Variants in ADAMTS14 observed in about 807,000 individuals in gnomAD.
ADAMTS14 encodes ADAM metallopeptidase with thrombospondin type 1 motif 14.
Under a neutral mutation model 128.6 loss-of-function variants are expected in ADAMTS14, and 100 were observed. That is an observed-to-expected ratio of 0.78 (90% CI 0.66 to 0.92). ADAMTS14 has a LOEUF of 0.92. Among genes scored for constraint, ADAMTS14 ranks in the 40% least tolerant of loss-of-function variants. The pLI, the probability that ADAMTS14 is intolerant of heterozygous loss-of-function variation, is 0.00. For missense variants in ADAMTS14, 1,562 were observed against 1,658.6 expected (o/e 0.94, Z 1.01); for synonymous variants, 665 against 653.8 (o/e 1.02, Z -0.26).
chr10:70,688,666 G>A (rs1199523321), intron 2 of ADAMTS14, among the ~76,000 whole-genome samples: 7 of 113,844 alleles, frequency 6.1e-5, no homozygotes, highest in African/African-American at 2.2e-4. Context: ...AGGGGCTGGA[G>A]ACTGGCCCGG....
chr10:70,686,338 GA>G (rs1839951188), intron 2 of ADAMTS14, among the ~76,000 whole-genome samples: 1 of 134,162 alleles, frequency 7.5e-6, no homozygotes, highest in Non-Finnish European at 1.6e-5. Flanking sequence ...CACAGAGGGG[GA>G]TTTGGCAGGG....
At position 70,706,922 on chromosome 10, in the gene ADAMTS14, G is replaced by A. The variant is rs1483375776; in HGVS notation, c.680-1666G>A. ...GGATGCATCCATGTGCATCACCCAC[G>A]TGTGGACGGGGTCTGCACTCACTCG... On this transcript the variant is annotated intron_variant, in intron 3 of 21. Coordinates refer to ENST00000373207, the MANE Select transcript of ADAMTS14 (RefSeq NM_080722.4). Among the ~76,000 whole-genome samples, 2 of 152,228 alleles carry A rather than the reference G, an allele frequency of 1.3e-5. 1 individual carries two copies. Among genetic ancestry groups the A allele is most frequent in the African/African-American group, 4.8e-5 (2 of 41,460 alleles).
At chr10:70,701,797 C>T (rs930531976) in intron 2 of ADAMTS14, among the ~76,000 whole-genome samples, 6 of 152,220 alleles carry the variant, frequency 3.9e-5, no homozygotes, top group Non-Finnish European at 7.3e-5. Flanking sequence ...TGCACACCCA[C>T]GTGCTTTCAA....
Position 70,702,390 on chromosome 10 carries a change from G to A in ADAMTS14, c.601G>A (p.Gly201Arg), listed in dbSNP as rs1023441102. Reference protein sequence around the residue: ...ERGQQEKEASGRTHVVYRREA... With the variant: ...ERGQQEKEASRRTHVVYRREA... The stretch of plus-strand genomic sequence containing the variant: ...GGGCCAGCAGGAGAAGGAGGCCAGC[G>A]GGAGGACACATGTGGTGTACCGCCG... Residue 201 changes from glycine to arginine, a missense_variant, in exon 3 of 22, where the codon GGG becomes AGG. By Grantham distance (125) the Gly-to-Arg change is moderately radical. Coordinates refer to ENST00000373207, the MANE Select transcript of ADAMTS14 (RefSeq NM_080722.4). The A allele has an allele frequency of 5.0e-6, 8 of 1,614,146 alleles. No individual in the cohort carries two copies. Among genetic ancestry groups the A allele is most frequent in the African/African-American group, 1.3e-5 (1 of 75,034 alleles).
chr10:70,680,027 T>C (rs1194760699), intron 2 of ADAMTS14, among the ~76,000 whole-genome samples: 1 of 152,236 alleles, frequency 6.6e-6, no homozygotes, highest in Admixed American at 6.5e-5. Flanking sequence ...TGGCAGTGGT[T>C]ACACAATTCT....
chr10:70,679,595 G>T (rs1325549230), intron 2 of ADAMTS14, among the ~76,000 whole-genome samples: 6 of 152,230 alleles, frequency 3.9e-5, no homozygotes, highest in African/African-American at 9.6e-5. Flanking sequence ...CTCCTGAAGG[G>T]TTGCTTCTCC....
At position 70,729,292 on chromosome 10, in the gene ADAMTS14, A is replaced by G. The variant is rs746010286; in HGVS notation, c.871-2A>G. The G allele has an allele frequency of 1.7e-5, 28 of 1,611,712 alleles. No homozygotes were observed. Among genetic ancestry groups the G allele is most frequent in the Non-Finnish European group, 2.3e-5 (27 of 1,178,000 alleles). ...CCCTTAAACTGTATTTTCTTCTTGCAGGTAGATGAGATTTACCACGATGAG... is the reference window on the plus strand; with the variant it reads ...CCCTTAAACTGTATTTTCTTCTTGCGGGTAGATGAGATTTACCACGATGAG... On this transcript the variant is annotated splice_acceptor_variant, in intron 4 of 21. Coordinates refer to ENST00000373207, the MANE Select transcript of ADAMTS14 (RefSeq NM_080722.4). LOFTEE classifies it high-confidence loss of function.
At chr10:70,712,913 G>C (rs566025038) in intron 4 of ADAMTS14, among the ~76,000 whole-genome samples, 21 of 152,282 alleles carry the variant, frequency 1.4e-4, no homozygotes, top group African/African-American at 5.1e-4. Flanking sequence ...GATTGGACTG[G>C]GTTACAGCCC....
chr10:70,745,414 C>A, intron 15 of ADAMTS14, 108 bp downstream of exon 15: 1 of 1,157,140 alleles, frequency 8.6e-7, no homozygotes, highest in Non-Finnish European at 1.3e-6. Flanking sequence ...TGGAATTGTA[C>A]TAACTGGAGT....
intron 21 of ADAMTS14, among the ~76,000 whole-genome samples, chr10:70,760,027 G>A (rs2587470): frequency 1.5e-3 from 228 of 152,344 alleles, no homozygotes; most frequent in African/African-American, 5.2e-3. Context: ...ACAGCGCTGA[G>A]CCCCAGCCTG....
chr10:70,714,960 A>G (rs1195655240), intron 4 of ADAMTS14, among the ~76,000 whole-genome samples: 7 of 143,930 alleles, frequency 4.9e-5, no homozygotes, highest in African/African-American at 1.2e-4. Context: ...AAAAAAAAAA[A>G]AAAAAAAAAA....
At chr10:70,732,917 G>C (rs1197576002) in intron 7 of ADAMTS14, among the ~76,000 whole-genome samples, 1 of 152,152 alleles carries the variant, frequency 6.6e-6, no homozygotes, top group African/African-American at 2.4e-5. Flanking sequence ...AATATTTCTT[G>C]AGCACCTACC....
chr10:70,674,628 T>C lies in ADAMTS14; in HGVS notation c.155T>C (p.Phe52Ser). 1 of 1,613,774 alleles carries C rather than the reference T, an allele frequency of 6.2e-7. No homozygotes were observed. ...VPCSTDFRGRFLSHVVSGPAA... is the reference protein window; with the variant it reads ...VPCSTDFRGRSLSHVVSGPAA... ...TGCAGCACAGACTTTCGGGGACGCT[T>C]CCTCTCCCACGTGGTGTCTGGCCCA... is the stretch of plus-strand genomic sequence containing the variant. The change falls in exon 2 of 22, where the codon TTC (phenylalanine) becomes TCC (serine). Residue 52 changes from phenylalanine to serine, a missense_variant. Physicochemically the swap from Phe to Ser is radical, Grantham distance 155. Coordinates refer to ENST00000373207, the MANE Select transcript of ADAMTS14 (RefSeq NM_080722.4).
At chr10:70,743,755 G>T in intron 13 of ADAMTS14, 74 bp downstream of exon 13, 1 of 1,464,584 alleles carries the variant, frequency 6.8e-7, no homozygotes, top group Non-Finnish European at 9.0e-7. Context: ...CCTCCTGCCT[G>T]GGAAGATGAG....
At chr10:70,673,480 A>AC (rs1383867779) in intron 1 of ADAMTS14, among the ~76,000 whole-genome samples, 1 of 151,978 alleles carries the variant, frequency 6.6e-6, no homozygotes, top group Non-Finnish European at 1.5e-5. Context: ...AGCATGGGGT[A>AC]CCCTCCTGGT....
chr10:70,750,582 A>T (rs538807194), intron 16 of ADAMTS14, among the ~76,000 whole-genome samples: 1 of 152,230 alleles, frequency 6.6e-6, no homozygotes, highest in Admixed American at 6.5e-5. Flanking sequence ...TCCTGGTGTC[A>T]CCCTCACCAG....
At chr10:70,737,623 C>T (rs1315806968) in intron 10 of ADAMTS14, among the ~76,000 whole-genome samples, 1 of 152,214 alleles carries the variant, frequency 6.6e-6, no homozygotes, top group African/African-American at 2.4e-5. Context: ...CTGAGCAGCT[C>T]TGGGGCTTGT....
At chr10:70,752,301 G>C (rs1255693721) in intron 18 of ADAMTS14, 74 bp downstream of exon 18, 1 of 1,575,202 alleles carries the variant, frequency 6.3e-7, no homozygotes, top group African/African-American at 1.4e-5. Context: ...GGGCTGCTGA[G>C]CCTGCTCCCC....
At chr10:70,721,853 C>T (rs1004487013) in intron 4 of ADAMTS14, among the ~76,000 whole-genome samples, 33 of 152,330 alleles carry the variant, frequency 2.2e-4, no homozygotes, top group African/African-American at 7.5e-4. Context: ...TGCCTGCCAT[C>T]GAGAGCAGGG....
Sources: gnomAD v4.1 joint callset for allele counts (sites outside exome capture counted in the v4.1 genomes callset) on GRCh38, gnomAD v4.1.1 for gene constraint, MANE v1.5 for transcripts, NCBI Gene and HGNC (gene_info 2026-07-23, HGNC 2026-07-21) for gene names.